The following METTL22 variants were observed in gnomAD, a reference collection of about 807,000 sequenced individuals.
METTL22 encodes methyltransferase-like protein 22.
METTL22 carries 51 observed loss-of-function variants against 48.4 expected under a neutral mutation model. The observed-to-expected ratio is 1.05, with a 90% CI of 0.84 to 1.33. The LOEUF is 1.33. Ranked by LOEUF, METTL22 falls within the 40% of genes most tolerant of loss-of-function variation. The pLI is 0.00. For synonymous variants in METTL22, 255 were observed against 214.1 expected (o/e 1.19, Z -1.67); for missense variants, 678 against 526.9 (o/e 1.29, Z -2.81).
chr16:8,634,204 C>A (rs1434088621), intron 3 of METTL22, among the ~76,000 whole-genome samples: 1 of 152,218 alleles, frequency 6.6e-6, no homozygotes, highest in African/African-American at 2.4e-5. Flanking sequence ...GAGGAGCCCT[C>A]AGAGAACAGT....
downstream of METTL22, among the ~76,000 whole-genome samples, chr16:8,654,184 C>G (rs1028067416): frequency 2.0e-5 from 3 of 152,144 alleles, no homozygotes; most frequent in African/African-American, 7.2e-5. Context: ...AGGGAGTAGG[C>G]AAGGGGGCCA....
downstream of METTL22, among the ~76,000 whole-genome samples, chr16:8,649,904 G>A (rs2056869099): frequency 6.6e-6 from 1 of 152,174 alleles, no homozygotes; most frequent in Non-Finnish European, 1.5e-5. Context: ...TCAAAATACA[G>A]ATTCTGACTC....
the METTL22 span, among the ~76,000 whole-genome samples, chr16:8,661,170 G>A: frequency 1.3e-5 from 2 of 151,862 alleles, no homozygotes; most frequent in African/African-American, 2.4e-5. Context: ...AGGGCCAGAC[G>A]TGCCAGAAAG....
downstream of METTL22, among the ~76,000 whole-genome samples, chr16:8,652,148 GTA>G (rs2056908412): frequency 6.6e-6 from 1 of 152,148 alleles, no homozygotes; most frequent in Admixed American, 6.6e-5. Flanking sequence ...ATGCTCTTCA[GTA>G]TAGAGTCCAG....
the METTL22 span, among the ~76,000 whole-genome samples, chr16:8,665,121 C>A: frequency 7.2e-6 from 1 of 138,012 alleles, no homozygotes; most frequent in East Asian, 2.2e-4. Context: ...ATGGTGAAAC[C>A]CCGTATCTAC....
downstream of METTL22, among the ~76,000 whole-genome samples, chr16:8,650,382 T>C (rs1432047137): frequency 2.6e-5 from 4 of 152,228 alleles, no homozygotes; most frequent in South Asian, 8.3e-4. Flanking sequence ...GTTTAAATCC[T>C]GCCTCTGCTG....
At chr16:8,634,369 TAAC>T (rs1477060110) in intron 3 of METTL22, among the ~76,000 whole-genome samples, 4 of 152,332 alleles carry the variant, frequency 2.6e-5, no homozygotes, top group Middle Eastern at 3.4e-3. Flanking sequence ...AGTTCTTACT[TAAC>T]AACAAAAAAT....
At position 8,635,167 on chromosome 16, in the gene METTL22, G is replaced by A; in HGVS notation, c.556-1G>A. 6.2e-7 allele frequency: 1 copy of A among 1,611,846 alleles called. No homozygotes were observed. The highest frequency in any genetic ancestry group is 8.5e-7 in the Non-Finnish European group (1 of 1,178,728). ...GTCGCTCCTTGTCCTCTTCCCTCCA[G>A]GTGTGGCGGGGCGCCCTGCTCCTGG... On this transcript the variant is annotated splice_acceptor_variant, in intron 4 of 10. Coordinates refer to ENST00000381920, the MANE Select transcript of METTL22 (RefSeq NM_024109.4). LOFTEE classifies it high-confidence loss of function.
chr16:8,627,198 C>T (rs1464094127), intron 2 of METTL22, among the ~76,000 whole-genome samples: 1 of 152,160 alleles, frequency 6.6e-6, no homozygotes, highest in African/African-American at 2.4e-5. Context: ...ACAGCACTTC[C>T]TGAGTTAGAC....
At chr16:8,642,346 G>T (rs2056646690) in intron 8 of METTL22, 117 bp from the exon 9 acceptor site, 1 of 1,260,664 alleles carries the variant, frequency 7.9e-7, no homozygotes, top group Admixed American at 1.7e-5. Flanking sequence ...TTTTAATTCT[G>T]GAAGCTGCTG....
chr16:8,624,144 G>C (rs2055957830), intron 1 of METTL22: 1 of 152,170 alleles, frequency 6.6e-6, no homozygotes, highest in South Asian at 2.1e-4. Context: ...TCCCCACCTG[G>C]TCTGTCCAGC....
the METTL22 span, among the ~76,000 whole-genome samples, chr16:8,659,734 T>G: frequency 6.6e-6 from 1 of 151,822 alleles, no homozygotes; most frequent in Non-Finnish European, 1.5e-5. Context: ...CTTCGCTTTT[T>G]TTTTTTCCAG....
At chr16:8,645,927 T>C (rs62030947) in intron 10 of METTL22, 181 bp from the exon 11 acceptor site, 1,397,922 of 1,401,286 alleles carry the variant, frequency 1, 697,369 homozygotes, top group East Asian at 1. Context: ...CACAGTAAAA[T>C]AGAACAGCCC....
intron 6 of METTL22, 29 bp from the exon 7 acceptor site, chr16:8,641,102 G>A (rs1377734762): frequency 1.7e-5 from 27 of 1,610,342 alleles, no homozygotes; most frequent in Non-Finnish European, 2.2e-5. Flanking sequence ...TTAGAGTTTG[G>A]AAAGTTCTCT....
the METTL22 span, chr16:8,667,066 G>A: frequency 6.6e-6 from 1 of 151,814 alleles, no homozygotes; most frequent in African/African-American, 2.4e-5. Flanking sequence ...AAAGTGCTGG[G>A]ATTACAGGCC....
At chr16:8,664,550 C>T in the METTL22 span, among the ~76,000 whole-genome samples, 1 of 152,094 alleles carries the variant, frequency 6.6e-6, no homozygotes, top group Non-Finnish European at 1.5e-5. Context: ...GCCTCTCAGG[C>T]TCAAGCAGTG....
In METTL22 at chr16:8,644,842, G is replaced by T. The variant is rs575875677; in HGVS notation, c.1179+117G>T. The T allele has an allele frequency of 1.0e-5, 12 of 1,150,224 alleles. No individual in the cohort carries two copies. The Admixed American group carries it at 1.1e-4, about 10-fold the overall frequency. The allele number at this position is 1,150,224 out of a possible 1,614,324, so 71.3% of individuals were successfully genotyped here. A position where few individuals can be genotyped will look rare whatever the true frequency, so the allele number is the denominator to read the frequency against. On this transcript the variant is annotated intron_variant, in intron 10 of 10. Coordinates refer to ENST00000381920, the MANE Select transcript of METTL22 (RefSeq NM_024109.4). ...CACAGGCTCCACCCTAGTCCTGCAG[G>T]GGGTGAAGCCTGCGTGCCTGGCACC...
At chr16:8,651,065 ATTCT>A (rs1372696240), downstream of METTL22, among the ~76,000 whole-genome samples, 2 of 151,430 alleles carry the variant, frequency 1.3e-5, no homozygotes, top group African/African-American at 2.4e-5. Flanking sequence ...GAGGGTAAGA[ATTCT>A]TTCTTCACAG....
downstream of METTL22, among the ~76,000 whole-genome samples, chr16:8,652,674 AT>A (rs199925586): frequency 3.5e-4 from 47 of 132,660 alleles, no homozygotes; most frequent in Admixed American, 9.5e-4. Context: ...ACAAATAATT[AT>A]TTTAAAAAAA....
Sources: allele counts gnomAD v4.1 joint callset (sites outside exome capture counted in the v4.1 genomes callset), GRCh38; gene constraint gnomAD v4.1.1; transcripts MANE v1.5; gene names NCBI Gene and HGNC (gene_info 2026-07-23, HGNC 2026-07-21).